The following GRM8 variants were observed in gnomAD, a reference collection of about 807,000 sequenced individuals.
GRM8 encodes the protein glutamate metabotropic receptor 8.
GRM8 carries 47 observed loss-of-function variants against 87.2 expected under a neutral mutation model. That is an observed-to-expected ratio of 0.54 (90% CI 0.43 to 0.69). The LOEUF (loss-of-function observed/expected upper bound fraction) is 0.69, where lower values mean the gene tolerates loss of function less well. Ranked by LOEUF, GRM8 falls within the 30% of genes least tolerant of loss-of-function variation. The probability of loss-of-function intolerance (pLI) is 0.00; values close to 1 mark genes in which losing one functional copy is unlikely to be tolerated. For missense variants in GRM8, 1,019 were observed against 1,139.2 expected (o/e 0.89, Z 1.52); for synonymous variants, 396 against 404.5 (o/e 0.98, Z 0.25).
At chr7:126,610,094 TC>T (rs1174131516) in intron 7 of GRM8, among the ~76,000 whole-genome samples, 1 of 152,182 alleles carries the variant, frequency 6.6e-6, no homozygotes, top group African/African-American at 2.4e-5. Flanking sequence ...ATGATTGTTC[TC>T]CCCCTTCACA....
chr7:127,249,219 T>TCCTGC (rs753932184), intron 1 of GRM8, among the ~76,000 whole-genome samples: 12 of 152,250 alleles, frequency 7.9e-5, no homozygotes, highest in Non-Finnish European at 1.5e-4. Context: ...TCTGTTCACC[T>TCCTGC]CCTGCCCTGC....
At chr7:127,244,303 G>A (rs1457261033) in intron 1 of GRM8, among the ~76,000 whole-genome samples, 1 of 152,210 alleles carries the variant, frequency 6.6e-6, no homozygotes, top group Non-Finnish European at 1.5e-5. Context: ...AATCAGAGTT[G>A]TCAATCAATT....
chr7:126,912,543 G>C (rs541902574), intron 3 of GRM8, among the ~76,000 whole-genome samples: 3 of 152,242 alleles, frequency 2.0e-5, no homozygotes, highest in Admixed American at 1.3e-4. Context: ...TGTTTCTCTG[G>C]AGAACCCTGA....
chr7:127,101,905 G>A (rs949650892), intron 3 of GRM8, among the ~76,000 whole-genome samples: 4 of 152,176 alleles, frequency 2.6e-5, no homozygotes, highest in Non-Finnish European at 5.9e-5. Flanking sequence ...TTAGAGACCA[G>A]TTAAATGCTT....
intron 3 of GRM8, among the ~76,000 whole-genome samples, chr7:127,096,712 T>A (rs942578880): frequency 1.3e-5 from 2 of 152,148 alleles, no homozygotes; most frequent in Admixed American, 1.3e-4. Flanking sequence ...GTTACCCAGA[T>A]CCCTTTGCTA....
chr7:126,994,071 A>G (rs548129319), intron 3 of GRM8, among the ~76,000 whole-genome samples: 1 of 152,208 alleles, frequency 6.6e-6, no homozygotes, highest in Admixed American at 6.5e-5. Context: ...GCAGCAATAA[A>G]AGGACTCCTT....
intron 6 of GRM8, among the ~76,000 whole-genome samples, chr7:126,866,087 C>T (rs1798567364): frequency 6.6e-6 from 1 of 152,190 alleles, no homozygotes; most frequent in Non-Finnish European, 1.5e-5. Context: ...CTTGCCAAAA[C>T]TCGTTATCTG....
Position 126,701,624 on chromosome 7 carries a change from T to C in GRM8, c.1357+68241A>G, listed in dbSNP as rs1433462399. On this transcript the variant is annotated intron_variant, in intron 7 of 10. Coordinates refer to ENST00000339582, the MANE Select transcript of GRM8 (RefSeq NM_000845.3). ...CCATACACTAGAACCCTGCTTTTGATTTTTGTTACAAGATCTAGAATCAAG... is the reference window on the plus strand; with the variant it reads ...CCATACACTAGAACCCTGCTTTTGACTTTTGTTACAAGATCTAGAATCAAG... 3 of 368,388 alleles carry C rather than the reference T, an allele frequency of 8.1e-6. No homozygotes were observed. In the Admixed American group the frequency reaches 1.1e-4, roughly 13 times the overall value. 22.8% of individuals were successfully genotyped at this position (368,388 alleles called of 1,614,324 possible).
intron 3 of GRM8, among the ~76,000 whole-genome samples, chr7:127,065,194 A>G (rs1302037463): frequency 6.6e-6 from 1 of 152,256 alleles, no homozygotes; most frequent in Non-Finnish European, 1.5e-5. Context: ...AGCCATAAAA[A>G]AGAACCAGAT....
chr7:127,183,361 A>G (rs1587221391), intron 2 of GRM8, among the ~76,000 whole-genome samples: 1 of 151,856 alleles, frequency 6.6e-6, no homozygotes, highest in Non-Finnish European at 1.5e-5. Context: ...TCAGATCACA[A>G]CAGAACTAAA....
chr7:126,554,570 G>A (rs1404257775), intron 8 of GRM8, among the ~76,000 whole-genome samples: 1 of 152,068 alleles, frequency 6.6e-6, no homozygotes, highest in Non-Finnish European at 1.5e-5. Context: ...TCCAGCCTGA[G>A]TGACAGAATG....
chr7:126,700,938 A>G (rs957448268), intron 7 of GRM8, among the ~76,000 whole-genome samples: 2 of 152,028 alleles, frequency 1.3e-5, no homozygotes, highest in African/African-American at 2.4e-5. Flanking sequence ...TTTCTCTACT[A>G]TATTTACCAT....
chr7:127,135,228 A>G (rs2133241121), intron 2 of GRM8, among the ~76,000 whole-genome samples: 1 of 152,096 alleles, frequency 6.6e-6, no homozygotes, highest in South Asian at 2.1e-4. Context: ...AACCCATTCA[A>G]AAGAAACTAT....
At chr7:126,668,688 T>C (rs1209803526) in intron 7 of GRM8, among the ~76,000 whole-genome samples, 5 of 152,244 alleles carry the variant, frequency 3.3e-5, no homozygotes, top group Non-Finnish European at 5.9e-5. Context: ...GGACCACTTA[T>C]CTAAGAATAA....
At chr7:127,179,564 A>G (rs1022259579) in intron 2 of GRM8, among the ~76,000 whole-genome samples, 1 of 152,132 alleles carries the variant, frequency 6.6e-6, no homozygotes, top group Non-Finnish European at 1.5e-5. Flanking sequence ...TTAATAGCAC[A>G]TGGAACTTTC....
At chr7:126,570,615 A>G (rs912097333) in intron 8 of GRM8, among the ~76,000 whole-genome samples, 4 of 152,186 alleles carry the variant, frequency 2.6e-5, no homozygotes, top group African/African-American at 9.6e-5. Context: ...AGACTTATTG[A>G]AAAACATCTT....
At chr7:126,575,315 C>G (rs1271787903) in intron 8 of GRM8, among the ~76,000 whole-genome samples, 2 of 151,354 alleles carry the variant, frequency 1.3e-5, no homozygotes, top group Admixed American at 6.6e-5. Flanking sequence ...TCTCCCATCA[C>G]CCCCAGATGG....
At chr7:126,773,497 C>T (rs183519127) in intron 6 of GRM8, among the ~76,000 whole-genome samples, 29 of 152,178 alleles carry the variant, frequency 1.9e-4, no homozygotes, top group Admixed American at 1.0e-3. Context: ...CTAAAATGTT[C>T]TTGATTTAAT....
At chr7:126,784,783 T>A (rs1232790759) in intron 6 of GRM8, among the ~76,000 whole-genome samples, 5 of 152,162 alleles carry the variant, frequency 3.3e-5, no homozygotes, top group African/African-American at 1.2e-4. Flanking sequence ...AACCTGCCCA[T>A]TATTATAGAT....
Sources: gnomAD v4.1 joint callset for allele counts (sites outside exome capture counted in the v4.1 genomes callset) on GRCh38, gnomAD v4.1.1 for gene constraint, MANE v1.5 for transcripts, NCBI Gene and HGNC (gene_info 2026-07-23, HGNC 2026-07-21) for gene names.